Variants in HFM1 observed in about 807,000 individuals in gnomAD.
HFM1 encodes the protein helicase for meiosis 1.
Under a neutral mutation model 192.1 loss-of-function variants are expected in HFM1, and 169 were observed. That is an observed-to-expected ratio of 0.88 (90% CI 0.78 to 1.00). HFM1 has a LOEUF of 1.00. HFM1 is among the 50% of genes least tolerant of loss of function. The pLI is 0.00. For missense variants in HFM1, 1,661 were observed against 1,668.0 expected (o/e 1.00, Z 0.07); for synonymous variants, 525 against 537.8 (o/e 0.98, Z 0.33).
intron 13 of HFM1, among the ~76,000 whole-genome samples, chr1:91,373,719 A>G (rs1660545042): frequency 6.6e-6 from 1 of 152,022 alleles, no homozygotes; most frequent in Non-Finnish European, 1.5e-5. Context: ...CATGACTGTA[A>G]GCAGCCCAAG....
Position 91,352,959 on chromosome 1 carries a change from C to T in HFM1, c.1831+92G>A, listed in dbSNP as rs1657151047. On this transcript the variant is annotated intron_variant, in intron 15 of 38. Transcript: ENST00000370425. The stretch of plus-strand genomic sequence containing the variant: ...TATATTCTCAGAAGAAAAGCAGAAA[C>T]AAGCAGAACACTTGCGCTTTTTCCT... 7.8e-6 allele frequency: 6 copies of T among 770,198 alleles called. No homozygotes were observed. The South Asian group carries it at 1.1e-4, about 15-fold the overall frequency. 47.7% of individuals were successfully genotyped at this position (770,198 alleles called of 1,614,324 possible).
chr1:91,321,934 T>C (rs2101311988), intron 23 of HFM1, among the ~76,000 whole-genome samples: 1 of 152,198 alleles, frequency 6.6e-6, no homozygotes, highest in South Asian at 2.1e-4. Context: ...TGCAACACAG[T>C]ATACTGGGGG....
chr1:91,279,132 A>G (rs1667227138), intron 30 of HFM1, among the ~76,000 whole-genome samples: 1 of 152,018 alleles, frequency 6.6e-6, no homozygotes, highest in Non-Finnish European at 1.5e-5. Flanking sequence ...CTGAAATCCT[A>G]TAATAAGATT....
At chr1:91,405,249 A>C (rs1557548585), upstream of HFM1, among the ~76,000 whole-genome samples, 1 of 152,248 alleles carries the variant, frequency 6.6e-6, no homozygotes, top group Non-Finnish European at 1.5e-5. Flanking sequence ...TCAGAAATAA[A>C]GTTAAATTTC....
intron 4 of HFM1, among the ~76,000 whole-genome samples, chr1:91,389,429 G>A (rs2102089986): frequency 6.6e-6 from 1 of 152,144 alleles, no homozygotes; most frequent in Admixed American, 6.6e-5. Context: ...CAATGTTATG[G>A]TATTTGGAGG....
intron 20 of HFM1, among the ~76,000 whole-genome samples, chr1:91,325,697 G>A (rs1461409605): frequency 6.6e-6 from 1 of 152,128 alleles, no homozygotes; most frequent in Non-Finnish European, 1.5e-5. Context: ...ATACCTAGCT[G>A]CTGAATGCTC....
chr1:91,399,589 A>G (rs1214311616), intron 2 of HFM1, among the ~76,000 whole-genome samples: 1 of 152,200 alleles, frequency 6.6e-6, no homozygotes, highest in East Asian at 1.9e-4. Context: ...TGTCTATTCC[A>G]GGAAACTTCT....
chr1:91,277,058 C>G lies in HFM1; in HGVS notation c.3396G>C (p.Thr1132=). 1 of 1,575,582 alleles carries G rather than the reference C, an allele frequency of 6.3e-7. No individual in the cohort carries two copies. Among genetic ancestry groups the G allele is most frequent in the Non-Finnish European group, 8.7e-7 (1 of 1,154,854 alleles). ...ISTIAGPNKG[T]TASKKPGNRE... ...GGTTCCCAGGTTTTTTGCTGGCAGTCGTTCCTAAATTAATATAAGAAAAAC... is the reference window on the plus strand; with the variant it reads ...GGTTCCCAGGTTTTTTGCTGGCAGTGGTTCCTAAATTAATATAAGAAAAAC... The change falls in exon 31 of 39, where the codon ACG becomes ACC. Residue 1132 remains threonine (T), a synonymous_variant. Coordinates refer to ENST00000370425, the MANE Select transcript of HFM1 (RefSeq NM_001017975.6).
upstream of HFM1, among the ~76,000 whole-genome samples, chr1:91,405,876 G>T (rs543301915): frequency 6.6e-6 from 1 of 152,304 alleles, no homozygotes; most frequent in East Asian, 1.9e-4. Flanking sequence ...TAGAAAGGTT[G>T]AATTATCATT....
intron 30 of HFM1, among the ~76,000 whole-genome samples, chr1:91,283,503 T>A (rs963178984): frequency 1.3e-5 from 2 of 152,074 alleles, no homozygotes; most frequent in Non-Finnish European, 2.9e-5. Context: ...TCCACCCACT[T>A]CGGCCTCCCA....
chr1:91,266,074 C>G lies in HFM1; in HGVS notation c.3917G>C (p.Gly1306Ala), dbSNP rs758721782. Residue 1306 changes from glycine (G) to alanine (A), a missense_variant, in exon 36 of 39, where the codon GGA (glycine) becomes GCA (alanine). Physicochemically the swap from Gly to Ala is moderately conservative, Grantham distance 60. Coordinates refer to ENST00000370425, the MANE Select transcript of HFM1 (RefSeq NM_001017975.6). Reference protein sequence around the residue: ...FGNTLSSSTRGSKLPLQESKS... With the variant: ...FGNTLSSSTRASKLPLQESKS... ...TGACTCTTGAAGGGGTAGCTTACTT[C>G]CCCTGGTACTTGAACTCAAAGTGTT... 2 of 1,585,712 alleles carry G rather than the reference C, an allele frequency of 1.3e-6. No individual in the cohort carries two copies. Among genetic ancestry groups the G allele is most frequent in the South Asian group, 2.3e-5 (2 of 85,980 alleles).
At chr1:91,296,851 G>A (rs1453561218) in intron 30 of HFM1, among the ~76,000 whole-genome samples, 1 of 152,168 alleles carries the variant, frequency 6.6e-6, no homozygotes, top group Non-Finnish European at 1.5e-5. Flanking sequence ...CCAGTCTACA[G>A]CTCCCAGCGT....
chr1:91,385,703 C>A lies in HFM1; in HGVS notation c.626G>T (p.Ser209Ile), dbSNP rs774161459. 10 of 1,612,684 alleles carry A rather than the reference C, an allele frequency of 6.2e-6. No homozygotes were observed. The South Asian group carries it at 1.1e-4, about 18-fold the overall frequency. ...NKGKSRNYSN[S>I]KQKFQYSANV... Reference sequence around the variant, plus strand: ...TGCAGAATACTGAAATTTTTGCTTACTATTGCTATAGTTCCTTGATTTCCC... The same window carrying A: ...TGCAGAATACTGAAATTTTTGCTTAATATTGCTATAGTTCCTTGATTTCCC... Residue 209 changes from serine to isoleucine, a missense_variant, in exon 5 of 39, where the codon AGT becomes ATT. Transcript: ENST00000370425.
At chr1:91,351,041 A>G (rs2101724822) in intron 17 of HFM1, among the ~76,000 whole-genome samples, 170 bp from the exon 18 acceptor site, 1 of 152,180 alleles carries the variant, frequency 6.6e-6, no homozygotes, top group Non-Finnish European at 1.5e-5. Flanking sequence ...AACTTCTAAA[A>G]GGCTTCAGAT....
chr1:91,366,185 T>C (rs1333788722), intron 13 of HFM1, among the ~76,000 whole-genome samples: 1 of 152,164 alleles, frequency 6.6e-6, no homozygotes, highest in Admixed American at 6.5e-5. Context: ...AGGGAGAGGA[T>C]AAATTGTAAA....
intron 30 of HFM1, among the ~76,000 whole-genome samples, chr1:91,303,561 A>G (rs1217797993): frequency 6.6e-6 from 1 of 152,166 alleles, no homozygotes. Context: ...TGTTAATTCT[A>G]TGTTAAATTT....
chr1:91,334,563 C>G (rs1209089007), intron 20 of HFM1, among the ~76,000 whole-genome samples: 1 of 152,014 alleles, frequency 6.6e-6, no homozygotes, highest in Non-Finnish European at 1.5e-5. Flanking sequence ...GGAAATAGAA[C>G]AGCAGATTGG....
rs1159552971 is a variant in HFM1 at position 91,264,492 on chromosome 1, C to T, written c.3974+1525G>A. On this transcript the variant is annotated intron_variant, in intron 36 of 38. Coordinates refer to ENST00000370425, the MANE Select transcript of HFM1 (RefSeq NM_001017975.6). ...GGTTCACGCCATTCTCCTGCCTCAG[C>T]CTCCCGAGTAGCTGGGACTACAGGC... is the stretch of plus-strand genomic sequence containing the variant. Among the ~76,000 whole-genome samples the T allele has an allele frequency of 3.4e-5, 5 of 145,940 alleles. No individual in the cohort carries two copies. The East Asian group carries it at 1.0e-3, about 30-fold the overall frequency.
In HFM1 at chr1:91,276,747, T is replaced by C; in HGVS notation, c.3473-4A>G. The C allele has an allele frequency of 7.5e-7, 1 of 1,338,006 alleles. No individual in the cohort carries two copies. Among genetic ancestry groups the C allele is most frequent in the Non-Finnish European group, 1.0e-6 (1 of 978,842 alleles). The allele number at this position is 1,338,006 out of a possible 1,614,324, so 82.9% of individuals were successfully genotyped here. On this transcript the variant is annotated splice_polypyrimidine_tract_variant and splice_region_variant and intron_variant, in intron 31 of 38. Coordinates refer to ENST00000370425, the MANE Select transcript of HFM1 (RefSeq NM_001017975.6). ...TTCTGTGCAACTCCAATTTTACCTA[T>C]GAAAAGAAACTTCAGATTCTTTAGG...
Sources: allele counts gnomAD v4.1 joint callset (sites outside exome capture counted in the v4.1 genomes callset), GRCh38; gene constraint gnomAD v4.1.1; transcripts MANE v1.5; gene names NCBI Gene and HGNC (gene_info 2026-07-23, HGNC 2026-07-21).